Variants in TBXAS1 observed in about 807,000 individuals in gnomAD.
The protein encoded by TBXAS1 is thromboxane-A synthase.
Under a neutral mutation model 60.7 loss-of-function variants are expected in TBXAS1, and 48 were observed. That is an observed-to-expected ratio of 0.79 (90% CI 0.63 to 1.01). The LOEUF (loss-of-function observed/expected upper bound fraction) is 1.01. Ranked by LOEUF, TBXAS1 falls within the 50% of genes least tolerant of loss-of-function variation. TBXAS1 has a pLI of 0.00. For missense variants in TBXAS1, 685 were observed against 686.3 expected (o/e 1.00, Z 0.02); for synonymous variants, 287 against 269.7 (o/e 1.06, Z -0.63).
chr7:139,995,479 C>A (rs1219824119), intron 9 of TBXAS1, among the ~76,000 whole-genome samples: 1 of 152,010 alleles, frequency 6.6e-6, no homozygotes, highest in Non-Finnish European at 1.5e-5. Flanking sequence ...TGAGGCTGTC[C>A]CTGGGTGGGT....
At position 139,953,421 on chromosome 7, in the gene TBXAS1, C is replaced by G; in HGVS notation, c.504C>G (p.Arg168=). Residue 168 remains arginine (R), a synonymous_variant, in exon 6 of 13, where the codon CGC becomes CGG. Coordinates refer to ENST00000448866, the MANE Select transcript of TBXAS1 (RefSeq NM_001061.7). ...ACCTTCTCCTGGCTCATTTAAAACG[C>G]TATGCGGAATCTGGGGACGCATTTG... ...ACDLLLAHLK[R]YAESGDAFDI... is the part of the protein sequence containing the mutation. 2 of 1,614,220 alleles carry G rather than the reference C, an allele frequency of 1.2e-6. No individual in the cohort carries two copies. Among genetic ancestry groups the G allele is most frequent in the South Asian group, 2.2e-5 (2 of 91,084 alleles).
At position 139,991,334 on chromosome 7, in the gene TBXAS1, GC is replaced by G. The variant is rs1812885836; in HGVS notation, c.1135-15751del. Among the ~76,000 whole-genome samples the G allele has an allele frequency of 3.6e-5, 3 of 83,222 alleles. No individual in the cohort carries two copies. In the South Asian group the frequency reaches 1.0e-3, roughly 28 times the overall value. The allele number at this position is 83,222 out of a possible 152,430, so 54.6% of individuals were successfully genotyped here. The stretch of plus-strand genomic sequence containing the variant: ...GACCCCCACGATGCCCCCATATGTT[GC>G]CCCCCTATGTTGCCACGGTGCCCAC... On this transcript the variant is annotated intron_variant, in intron 9 of 12. Transcript: ENST00000448866.
upstream of TBXAS1, chr7:139,829,141 A>G (rs1798539026): frequency 3.2e-6 from 2 of 625,792 alleles, no homozygotes; most frequent in Non-Finnish European, 5.9e-6. Context: ...GTTTATTGAC[A>G]GTGCAGTCAT....
At chr7:139,803,055 G>C (rs1316283539) in intron 4 of TBXAS1, among the ~76,000 whole-genome samples, 1 of 152,222 alleles carries the variant, frequency 6.6e-6, no homozygotes, top group Non-Finnish European at 1.5e-5. Context: ...GTGGGGTACT[G>C]CTGTAAATAT....
chr7:139,960,769 T>G (rs1810267297), intron 8 of TBXAS1, among the ~76,000 whole-genome samples: 2 of 151,148 alleles, frequency 1.3e-5, no homozygotes, highest in Admixed American at 6.6e-5. Context: ...GACGCTCATG[T>G]GTGTGGCATA....
chr7:139,815,417 T>C (rs10233386), intron 4 of TBXAS1, among the ~76,000 whole-genome samples: 57,281 of 152,112 alleles, frequency 0.38, 12,114 homozygotes, highest in South Asian at 0.7. Context: ...TTTTGAAATG[T>C]ATGATTCTAA....
intron 1 of TBXAS1, among the ~76,000 whole-genome samples, chr7:139,859,526 T>C (rs1454583398): frequency 6.6e-6 from 1 of 152,200 alleles, no homozygotes; most frequent in African/African-American, 2.4e-5. Context: ...TTTTAATTTA[T>C]GTAAGTGATA....
intron 5 of TBXAS1, chr7:139,952,567 T>C (rs1809497577): frequency 2.6e-6 from 4 of 1,537,120 alleles, no homozygotes; most frequent in South Asian, 1.2e-5. Context: ...CTTTTAATCA[T>C]GCAAGAGAGA....
At chr7:140,016,853 C>G (rs1815116001) in intron 11 of TBXAS1, 1 of 134,048 alleles carries the variant, frequency 7.5e-6, no homozygotes, top group South Asian at 2.4e-4. Context: ...ACGACCCAGT[C>G]ACTGGGAAAA....
At chr7:139,910,918 A>C (rs922304243) in intron 3 of TBXAS1, among the ~76,000 whole-genome samples, 1 of 152,136 alleles carries the variant, frequency 6.6e-6, no homozygotes, top group African/African-American at 2.4e-5. Context: ...TTACATTTAC[A>C]TGTATAGCTC....
intron 9 of TBXAS1, among the ~76,000 whole-genome samples, chr7:139,978,826 G>A (rs570764802): frequency 2.4e-4 from 36 of 151,200 alleles, no homozygotes; most frequent in Non-Finnish European, 3.2e-4. Context: ...CTGGTGGTGC[G>A]TGCTCGTACT....
chr7:139,860,411 G>A (rs1214053959), intron 1 of TBXAS1, among the ~76,000 whole-genome samples: 3 of 152,236 alleles, frequency 2.0e-5, no homozygotes, highest in Non-Finnish European at 2.9e-5. Context: ...ATAAGTTGGC[G>A]TGGTAGCTGA....
intron 4 of TBXAS1, among the ~76,000 whole-genome samples, chr7:139,930,756 G>A (rs1807256749): frequency 6.6e-6 from 1 of 152,134 alleles, no homozygotes; most frequent in Non-Finnish European, 1.5e-5. Flanking sequence ...GGCTAGATTT[G>A]TCTTTAGAAA....
At chr7:139,906,248 G>T in intron 3 of TBXAS1, 1 of 169,608 alleles carries the variant, frequency 5.9e-6, no homozygotes, top group Non-Finnish European at 1.3e-5. Context: ...GTACAGATGG[G>T]GTTTACCATG....
rs955839364 is a variant in TBXAS1 at position 139,940,946 on chromosome 7, C to T, written c.450+4639C>T. The stretch of plus-strand genomic sequence containing the variant: ...CAAGAAAAAATTAAATAAGAGGATA[C>T]AGCAAACTGGCTTTTCCTTTAGAGA... On this transcript the variant is annotated intron_variant, in intron 5 of 12. Coordinates refer to ENST00000448866, the MANE Select transcript of TBXAS1 (RefSeq NM_001061.7). 4.8e-4 allele frequency among the ~76,000 whole-genome samples: 73 copies of T among 151,494 alleles called. 1 individual carries two copies. The highest frequency in any genetic ancestry group is 4.7e-3 in the Admixed American group (72 of 15,178).
intron 3 of TBXAS1, among the ~76,000 whole-genome samples, chr7:139,903,991 A>G (rs1804777401): frequency 2.0e-5 from 3 of 151,930 alleles, no homozygotes; most frequent in Non-Finnish European, 1.5e-5. Context: ...TTTTTGTTGC[A>G]TTTGCTTTTG....
intron 4 of TBXAS1, among the ~76,000 whole-genome samples, chr7:139,923,135 A>C (rs956137613): frequency 6.6e-6 from 1 of 151,074 alleles, no homozygotes; most frequent in African/African-American, 2.4e-5. Flanking sequence ...CTGGGTAACA[A>C]ACCAAGACCC....
chr7:139,990,075 T>C (rs930406246), intron 9 of TBXAS1, among the ~76,000 whole-genome samples: 1 of 152,196 alleles, frequency 6.6e-6, no homozygotes, highest in African/African-American at 2.4e-5. Flanking sequence ...CTCAATGAAA[T>C]GACACAAGTG....
chr7:139,938,440 CA>C (rs1335289440), intron 5 of TBXAS1, among the ~76,000 whole-genome samples: 2 of 152,164 alleles, frequency 1.3e-5, no homozygotes, highest in Non-Finnish European at 2.9e-5. Flanking sequence ...AAGTTCCCCA[CA>C]AGGACATGAG....
Sources: gnomAD v4.1 joint callset for allele counts (sites outside exome capture counted in the v4.1 genomes callset) on GRCh38, gnomAD v4.1.1 for gene constraint, MANE v1.5 for transcripts, NCBI Gene and HGNC (gene_info 2026-07-23, HGNC 2026-07-21) for gene names.